CCDC66: variants seen among roughly 807,000 people sequenced by gnomAD.
The protein encoded by CCDC66 is coiled-coil domain containing 66.
Under a neutral mutation model 128.3 loss-of-function variants are expected in CCDC66, and 133 were observed. The observed-to-expected ratio is 1.04, with a 90% CI of 0.90 to 1.20. The LOEUF (loss-of-function observed/expected upper bound fraction) is 1.20, where lower values mean the gene tolerates loss of function less well. Ranked by LOEUF, CCDC66 falls within the 50% of genes most tolerant of loss-of-function variation. CCDC66 has a pLI of 0.00. For missense variants in CCDC66, 1,126 were observed against 1,075.5 expected (o/e 1.05, Z -0.66); for synonymous variants, 387 against 357.0 (o/e 1.08, Z -0.95).
At chr3:56,567,103 G>T in intron 6 of CCDC66, 50 bp downstream of exon 6, 1 of 1,435,544 alleles carries the variant, frequency 7.0e-7, no homozygotes, top group Non-Finnish European at 9.8e-7. Flanking sequence ...TAAAGAATAT[G>T]TATTGAAGCC....
At chr3:56,594,146 G>A (rs2071423824) in intron 10 of CCDC66, 118 bp downstream of exon 10, 12 of 874,094 alleles carry the variant, frequency 1.4e-5, no homozygotes, top group Non-Finnish European at 2.0e-5. Flanking sequence ...GTCCTGTCCA[G>A]TTGTGTCACG....
Position 56,619,372 on chromosome 3 carries a change from T to A in CCDC66, c.2480T>A (p.Leu827Ter). Residue 827 changes from leucine to a stop codon, truncating the protein, a stop_gained, in exon 16 of 18, where the codon TTG becomes TAG. Transcript: ENST00000394672. LOFTEE classifies it high-confidence loss of function. ...AACAGTAGCTATGAGAGAGAGAATT[T>A]GATCTCAGGAAGTAATCAAACAGAA... Reference protein sequence around the residue: ...LKNSSYERENLISGSNQTELS... With the variant: ...LKNSSYEREN 2 of 1,613,902 alleles carry A rather than the reference T, an allele frequency of 1.2e-6. No individual in the cohort carries two copies. The highest frequency in any genetic ancestry group is 1.1e-5 in the South Asian group (1 of 91,056).
At chr3:56,560,829 A>G (rs895290683) in intron 3 of CCDC66, 17 of 445,954 alleles carry the variant, frequency 3.8e-5, no homozygotes, top group Admixed American at 3.3e-4. Flanking sequence ...CTTCTCTTCC[A>G]TAACTTACTA....
chr3:56,575,611 CT>C (rs1345156931), intron 7 of CCDC66, among the ~76,000 whole-genome samples: 2 of 151,904 alleles, frequency 1.3e-5, no homozygotes, highest in Middle Eastern at 6.8e-3. Flanking sequence ...TGTTTTATCT[CT>C]TTTCTTTTGT....
At chr3:56,580,097 A>G (rs1243045287) in intron 7 of CCDC66, among the ~76,000 whole-genome samples, 1 of 151,816 alleles carries the variant, frequency 6.6e-6, no homozygotes, top group African/African-American at 2.4e-5. Flanking sequence ...GTGCTCCTGT[A>G]TTGGTTGCAT....
chr3:56,615,772 C>A, intron 12 of CCDC66, 150 bp from the exon 13 acceptor site: 1 of 509,320 alleles, frequency 2.0e-6, no homozygotes. Context: ...AATTCAGTAA[C>A]TGATAGGAAT....
Position 56,578,836 on chromosome 3 carries a change from A to G in CCDC66, c.936+7534A>G, listed in dbSNP as rs200456348. Among the ~76,000 whole-genome samples, 47 of 151,954 alleles carry G rather than the reference A, an allele frequency of 3.1e-4. 6 individuals carry two copies. The East Asian group carries it at 7.5e-3, about 24-fold the overall frequency. On this transcript the variant is annotated intron_variant, in intron 7 of 17. Transcript: ENST00000394672. ...CCAGTATTTTATTGAGGATTTCTGC[A>G]TCGATGTTCATCAGGGATATTGGTC...
At chr3:56,581,923 G>C (rs2068456571) in intron 7 of CCDC66, among the ~76,000 whole-genome samples, 1 of 151,870 alleles carries the variant, frequency 6.6e-6, no homozygotes, top group South Asian at 2.1e-4. Flanking sequence ...GCTGGGAGAA[G>C]CACTACTCTC....
chr3:56,592,590 C>T (rs1404861873), intron 7 of CCDC66, among the ~76,000 whole-genome samples: 1 of 150,998 alleles, frequency 6.6e-6, no homozygotes, highest in Non-Finnish European at 1.5e-5. Flanking sequence ...GCCTTGAACT[C>T]CTGGGCTCAA....
intron 3 of CCDC66, chr3:56,561,147 A>G (rs1053812657): frequency 2.2e-6 from 1 of 449,454 alleles, no homozygotes; most frequent in Non-Finnish European, 4.5e-6. Flanking sequence ...TTTCCCTATT[A>G]AAAATTGCAA....
intron 7 of CCDC66, among the ~76,000 whole-genome samples, chr3:56,591,142 A>G (rs1394545334): frequency 6.6e-6 from 1 of 152,254 alleles, no homozygotes; most frequent in African/African-American, 2.4e-5. Context: ...AGCCTTTCCC[A>G]GTCAACGACA....
chr3:56,569,337 AC>A, intron 6 of CCDC66: 2 of 349,666 alleles, frequency 5.7e-6, no homozygotes, highest in Admixed American at 2.7e-5. Context: ...CAAGCATGGT[AC>A]CAGCATCTCC....
Position 56,615,924 on chromosome 3 carries a change from G to A in CCDC66, c.1714G>A (p.Asp572Asn). The A allele has an allele frequency of 6.3e-7, 1 of 1,590,438 alleles. No homozygotes were observed. The highest frequency in any genetic ancestry group is 1.1e-5 in the South Asian group (1 of 88,200). The change falls in exon 13 of 18, where the codon GAT (aspartate) becomes AAT (asparagine). Residue 572 changes from aspartate to asparagine, a missense_variant and splice_region_variant. Asp to Asn is a conservative substitution (Grantham distance 23, BLOSUM62 1). Transcript: ENST00000394672. ...ATCAGGTGATTTCTCTTTGCCAGTT[G>A]ATACAATACAAATGGAATATAATGC... ...TSRLIKNLGV[D>N]TIQMEYNASN...
At chr3:56,617,630 T>C (rs771768951) in intron 14 of CCDC66, 25 bp downstream of exon 14, 15 of 1,565,310 alleles carry the variant, frequency 9.6e-6, no homozygotes, top group Admixed American at 2.1e-5. Flanking sequence ...TCTTAGATGA[T>C]GTGTTGACGT....
At position 56,577,594 on chromosome 3, in the gene CCDC66, G is replaced by A. The variant is rs1185732110; in HGVS notation, c.936+6292G>A. On this transcript the variant is annotated intron_variant, in intron 7 of 17. Coordinates refer to ENST00000394672, the MANE Select transcript of CCDC66 (RefSeq NM_001141947.3). ...TCATCTTGAGTTAATTTTTGTATAA[G>A]GTGTAAGGAAGGGAAGGGGTCCAGT... 1.3e-5 allele frequency among the ~76,000 whole-genome samples: 2 copies of A among 151,788 alleles called. 1 individual carries two copies. Among genetic ancestry groups the A allele is most frequent in the Admixed American group, 1.3e-4 (2 of 15,092 alleles).
intron 10 of CCDC66, among the ~76,000 whole-genome samples, chr3:56,594,409 G>A (rs533336474): frequency 2.6e-5 from 4 of 151,952 alleles, no homozygotes; most frequent in East Asian, 3.9e-4. Context: ...CATAATGGCC[G>A]GGCACGGTGG....
At chr3:56,599,804 G>C (rs962144336) in intron 10 of CCDC66, among the ~76,000 whole-genome samples, 1 of 152,038 alleles carries the variant, frequency 6.6e-6, no homozygotes, top group Non-Finnish European at 1.5e-5. Context: ...CCTAACATAT[G>C]ATCTGTCCTG....
chr3:56,596,945 A>G (rs1351438569), intron 10 of CCDC66, among the ~76,000 whole-genome samples: 1 of 143,964 alleles, frequency 6.9e-6, no homozygotes, highest in Non-Finnish European at 1.5e-5. Context: ...TTTTTAGTAC[A>G]GATGGGGTTT....
intron 7 of CCDC66, chr3:56,572,296 C>G: frequency 8.6e-7 from 1 of 1,160,638 alleles, no homozygotes; most frequent in Non-Finnish European, 1.1e-6. Context: ...GGTAAAGAAA[C>G]AGTGTCACTG....
Sources: gnomAD v4.1 joint callset for allele counts (sites outside exome capture counted in the v4.1 genomes callset) on GRCh38, gnomAD v4.1.1 for gene constraint, MANE v1.5 for transcripts, NCBI Gene and HGNC (gene_info 2026-07-23, HGNC 2026-07-21) for gene names.